The following FRMD4A variants were observed in gnomAD, a reference collection of about 807,000 sequenced individuals.
FRMD4A encodes FERM domain containing 4A.
A neutral mutation model predicts 129.1 loss-of-function variants in FRMD4A; 29 were observed. That is an observed-to-expected ratio of 0.22 (90% CI 0.17 to 0.31). The LOEUF is 0.31. Among genes scored for constraint, FRMD4A ranks in the 10% least tolerant of loss-of-function variants. The pLI, the probability that FRMD4A is intolerant of heterozygous loss-of-function variation, is 1.00. For synonymous variants in FRMD4A, 634 were observed against 571.6 expected (o/e 1.11, Z -1.56); for missense variants, 1,272 against 1,375.8 (o/e 0.92, Z 1.19).
chr10:13,889,025 C>T (rs916339270), intron 2 of FRMD4A, among the ~76,000 whole-genome samples: 6 of 152,194 alleles, frequency 3.9e-5, no homozygotes, highest in East Asian at 1.9e-4. Context: ...TTGCTGGACA[C>T]GTGAATTGAA....
At chr10:14,142,978 T>TAA (rs55969959) in intron 2 of FRMD4A, among the ~76,000 whole-genome samples, 5 of 151,924 alleles carry the variant, frequency 3.3e-5, no homozygotes, top group East Asian at 1.9e-4. Context: ...ATGGCTATGA[T>TAA]AAAAAAAATA....
chr10:14,078,222 T>C (rs1835722273), intron 2 of FRMD4A, among the ~76,000 whole-genome samples: 2 of 152,200 alleles, frequency 1.3e-5, no homozygotes, highest in African/African-American at 2.4e-5. Flanking sequence ...CCAGCCATGA[T>C]TGCAACATTC....
At chr10:14,199,205 T>C (rs1301541974) in intron 2 of FRMD4A, among the ~76,000 whole-genome samples, 3 of 152,010 alleles carry the variant, frequency 2.0e-5, no homozygotes, top group African/African-American at 7.2e-5. Context: ...GCTTTCTGGC[T>C]ATCATTTTAA....
chr10:14,254,241 C>G (rs1247196746), intron 2 of FRMD4A, among the ~76,000 whole-genome samples: 1 of 152,198 alleles, frequency 6.6e-6, no homozygotes, highest in East Asian at 1.9e-4. Flanking sequence ...CAATTTCTTC[C>G]AGAAACTCAT....
At chr10:14,297,108 A>T (rs942560381) in intron 2 of FRMD4A, among the ~76,000 whole-genome samples, 4 of 151,630 alleles carry the variant, frequency 2.6e-5, no homozygotes, top group African/African-American at 9.7e-5. Flanking sequence ...CCAGCTCTCC[A>T]CAGGTTCTTT....
chr10:13,646,411 C>T lies in FRMD4A; in HGVS notation c.*627G>A, dbSNP rs2081119230. 6.6e-6 allele frequency: 1 copy of T among 152,592 alleles called. No homozygotes were observed. The highest frequency in any genetic ancestry group is 2.4e-5 in the African/African-American group (1 of 41,426). 9.5% of individuals were successfully genotyped at this position (152,592 alleles called of 1,614,324 possible). A position where few individuals can be genotyped will look rare whatever the true frequency, so the allele number is the denominator to read the frequency against. ...TCGAGAACTTCCTTTCTCAACCTCC[C>T]CTTCCCCCATAGCCATCCCCACAAG... is the stretch of plus-strand genomic sequence containing the variant. On this transcript the variant is annotated 3_prime_UTR_variant, in exon 25 of 25. Coordinates refer to ENST00000357447, the MANE Select transcript of FRMD4A (RefSeq NM_018027.5).
chr10:14,014,776 G>T (rs1281200595), intron 2 of FRMD4A, among the ~76,000 whole-genome samples: 1 of 152,182 alleles, frequency 6.6e-6, no homozygotes, highest in Admixed American at 6.5e-5. Context: ...TTTACCTACG[G>T]TTTGCTCTGA....
chr10:14,265,986 G>A (rs931490182), intron 2 of FRMD4A, among the ~76,000 whole-genome samples: 2 of 152,174 alleles, frequency 1.3e-5, no homozygotes, highest in African/African-American at 4.8e-5. Flanking sequence ...AATGATCAAG[G>A]TGTCAATTGG....
intron 9 of FRMD4A, among the ~76,000 whole-genome samples, chr10:13,745,827 T>G (rs1388778523): frequency 6.6e-6 from 1 of 152,074 alleles, no homozygotes; most frequent in Non-Finnish European, 1.5e-5. Flanking sequence ...GACCATTGGA[T>G]TTTTGGAAGT....
At chr10:13,965,732 C>G (rs1424159973) in intron 2 of FRMD4A, among the ~76,000 whole-genome samples, 1 of 152,164 alleles carries the variant, frequency 6.6e-6, no homozygotes, top group Non-Finnish European at 1.5e-5. Flanking sequence ...ACCTTTCTTT[C>G]TTTCAGTAAT....
Position 13,910,888 on chromosome 10 carries a change from G to GAAAAAA in FRMD4A, c.46-51982_46-51977dup, listed in dbSNP as rs141449954. On this transcript the variant is annotated intron_variant, in intron 2 of 24. Coordinates refer to ENST00000357447, the MANE Select transcript of FRMD4A (RefSeq NM_018027.5). Reference sequence around the variant, plus strand: ...CCTGTTAAGCCTCTGGGAGTTTCATGAAAAAAAAAAAAAAAAAAAAAAAAA... The same window carrying GAAAAAA: ...CCTGTTAAGCCTCTGGGAGTTTCATGAAAAAAAAAAAAAAAAAAAAAAAAAAAAAAA... Among the ~76,000 whole-genome samples the GAAAAAA allele has an allele frequency of 1.3e-4, 11 of 83,074 alleles. 1 individual carries two copies. The highest frequency in any genetic ancestry group is 5.5e-4 in the African/African-American group (11 of 20,032). 54.5% of individuals were successfully genotyped at this position (83,074 alleles called of 152,430 possible).
At chr10:14,054,724 A>T (rs1484086928) in intron 2 of FRMD4A, among the ~76,000 whole-genome samples, 1 of 152,154 alleles carries the variant, frequency 6.6e-6, no homozygotes, top group Non-Finnish European at 1.5e-5. Context: ...CTCATCTTGA[A>T]TTGTAGCTCC....
intron 2 of FRMD4A, among the ~76,000 whole-genome samples, chr10:14,133,221 G>A (rs1839358766): frequency 1.3e-5 from 2 of 152,142 alleles, no homozygotes; most frequent in African/African-American, 4.8e-5. Context: ...CTGCTATTTG[G>A]GTCGTGAGGC....
intron 5 of FRMD4A, 125 bp from the exon 6 acceptor site, chr10:13,783,131 G>T: frequency 1.5e-6 from 1 of 649,386 alleles, no homozygotes; most frequent in East Asian, 2.6e-5. Flanking sequence ...AAGGAAAAAG[G>T]CACCATCCAT....
intron 2 of FRMD4A, among the ~76,000 whole-genome samples, chr10:14,113,542 A>G (rs1317896964): frequency 6.6e-6 from 1 of 152,184 alleles, no homozygotes; most frequent in African/African-American, 2.4e-5. Context: ...ACAGTAGACT[A>G]TTAGTAGTTA....
intron 15 of FRMD4A, among the ~76,000 whole-genome samples, chr10:13,679,803 C>T (rs868498926): frequency 9.2e-5 from 14 of 152,216 alleles, no homozygotes; most frequent in African/African-American, 3.1e-4. Flanking sequence ...TCTGAGCCTG[C>T]GGGCTGCTAC....
At chr10:14,062,934 C>G (rs1834882038) in intron 2 of FRMD4A, among the ~76,000 whole-genome samples, 1 of 152,196 alleles carries the variant, frequency 6.6e-6, no homozygotes, top group African/African-American at 2.4e-5. Flanking sequence ...CATTTTATTC[C>G]TCCGGCTCTC....
At chr10:14,046,632 C>G (rs1313985399) in intron 2 of FRMD4A, among the ~76,000 whole-genome samples, 1 of 152,140 alleles carries the variant, frequency 6.6e-6, no homozygotes, top group African/African-American at 2.4e-5. Flanking sequence ...CTGGTTGCAG[C>G]CTTTCTGGTT....
intron 2 of FRMD4A, among the ~76,000 whole-genome samples, chr10:13,886,032 G>A (rs368313211): frequency 6.6e-5 from 10 of 152,226 alleles, no homozygotes; most frequent in East Asian, 1.9e-4. Context: ...TAGGTATGTC[G>A]TCTAGCTCTG....
Sources: allele counts gnomAD v4.1 joint callset (sites outside exome capture counted in the v4.1 genomes callset), GRCh38; gene constraint gnomAD v4.1.1; transcripts MANE v1.5; gene names NCBI Gene and HGNC (gene_info 2026-07-23, HGNC 2026-07-21).